PALLD: variants seen among roughly 807,000 people sequenced by gnomAD.
The protein encoded by PALLD is palladin, cytoskeletal associated protein.
In PALLD, 61 loss-of-function variants were observed where a neutral mutation model predicts 123.5. The observed-to-expected ratio is 0.49, with a 90% confidence interval of 0.40 to 0.61. The LOEUF is 0.61. Ranked by LOEUF, PALLD falls within the 20% of genes least tolerant of loss-of-function variation. PALLD has a pLI of 0.00. For synonymous variants in PALLD, 465 were observed against 496.4 expected, an observed-to-expected ratio of 0.94 and a Z score of 0.84; for missense variants, 1,273 against 1,377.0, an observed-to-expected ratio of 0.92 and a Z score of 1.20.
chr4:168,575,072 G>A (rs1769408504), intron 2 of PALLD, among the ~76,000 whole-genome samples: 1 of 152,108 alleles, frequency 6.6e-6, no homozygotes, highest in African/African-American at 2.4e-5. Context: ...TGCAAATCAG[G>A]TGTCTGCCAC....
At chr4:168,849,068 A>G (rs1268557379) in intron 10 of PALLD, among the ~76,000 whole-genome samples, 1 of 152,220 alleles carries the variant, frequency 6.6e-6, no homozygotes, top group Non-Finnish European at 1.5e-5. Flanking sequence ...AGTCCTTACC[A>G]TGAGAGCCAC....
chr4:168,740,520 A>G (rs2150345323), intron 10 of PALLD, among the ~76,000 whole-genome samples: 1 of 152,334 alleles, frequency 6.6e-6, no homozygotes, highest in Non-Finnish European at 1.5e-5. Context: ...GAATTGACAG[A>G]TACTAAGTTT....
chr4:168,575,491 A>T (rs1303485825), intron 2 of PALLD, among the ~76,000 whole-genome samples: 1 of 152,000 alleles, frequency 6.6e-6, no homozygotes, highest in Non-Finnish European at 1.5e-5. Flanking sequence ...CCCTCCCTCA[A>T]CATGTGGGGA....
At chr4:168,758,244 CT>C (rs1477504311) in intron 10 of PALLD, among the ~76,000 whole-genome samples, 1 of 151,988 alleles carries the variant, frequency 6.6e-6, no homozygotes, top group Non-Finnish European at 1.5e-5. Flanking sequence ...AGCTCAAGAG[CT>C]GTTGCTTTGA....
At chr4:168,846,593 C>A (rs766538904) in intron 10 of PALLD, among the ~76,000 whole-genome samples, 3 of 152,126 alleles carry the variant, frequency 2.0e-5, no homozygotes, top group African/African-American at 4.8e-5. Context: ...TGTTAAACAG[C>A]CTGCATGTCA....
intron 2 of PALLD, among the ~76,000 whole-genome samples, chr4:168,577,411 A>G (rs1561266197): frequency 6.6e-6 from 1 of 152,194 alleles, no homozygotes; most frequent in African/African-American, 2.4e-5. Flanking sequence ...TTGCTTTAAC[A>G]GTAGATAAAC....
At chr4:168,616,303 T>C (rs1774222653) in intron 2 of PALLD, among the ~76,000 whole-genome samples, 1 of 152,222 alleles carries the variant, frequency 6.6e-6, no homozygotes. Flanking sequence ...TAAGTAGATC[T>C]ACATCAGAAA....
chr4:168,812,165 A>G (rs1741259948), intron 10 of PALLD, among the ~76,000 whole-genome samples: 2 of 152,212 alleles, frequency 1.3e-5, no homozygotes, highest in Non-Finnish European at 2.9e-5. Context: ...TTATTCTCTT[A>G]GATTGGCAAG....
chr4:168,845,035 G>GT (rs1746612376), intron 10 of PALLD, among the ~76,000 whole-genome samples: 1 of 139,068 alleles, frequency 7.2e-6, no homozygotes, highest in South Asian at 2.6e-4. Context: ...GAGTTTGGGA[G>GT]AAGGCTGAAG....
chr4:168,616,980 A>T (rs1774283002), intron 2 of PALLD, among the ~76,000 whole-genome samples: 1 of 152,180 alleles, frequency 6.6e-6, no homozygotes. Context: ...CACCATGGAG[A>T]TGCAAGCATA....
Position 168,540,064 on chromosome 4 carries a change from A to C in PALLD, c.908+27652A>C, listed in dbSNP as rs112525964. ...TAAACCAACTATAGTGTAGTCCAAG[A>C]CCTTAAAGGCACCTGAAGCTGAAAA... is the stretch of plus-strand genomic sequence containing the variant. On this transcript the variant is annotated intron_variant, in intron 2 of 21. Coordinates refer to ENST00000505667, the MANE Select transcript of PALLD (RefSeq NM_001166108.2). Among the ~76,000 whole-genome samples the C allele has an allele frequency of 2.9e-3, 435 of 152,064 alleles. 4 individuals carry two copies. Among genetic ancestry groups the C allele is most frequent in the African/African-American group, 9.9e-3 (409 of 41,472 alleles).
intron 17 of PALLD, among the ~76,000 whole-genome samples, chr4:168,917,772 A>G (rs1230049567): frequency 6.6e-6 from 1 of 152,192 alleles, no homozygotes; most frequent in Non-Finnish European, 1.5e-5. Flanking sequence ...GTATAAATAC[A>G]CAAATTGTGT....
chr4:168,577,473 G>GA (rs1212305988), intron 2 of PALLD, among the ~76,000 whole-genome samples: 1 of 152,082 alleles, frequency 6.6e-6, no homozygotes, highest in East Asian at 1.9e-4. Flanking sequence ...TTAAAGATCT[G>GA]AAAAAAATGC....
chr4:168,811,683 C>A (rs1461569741), intron 10 of PALLD, among the ~76,000 whole-genome samples: 2 of 151,680 alleles, frequency 1.3e-5, no homozygotes, highest in Non-Finnish European at 1.5e-5. Flanking sequence ...TTGCAGTGAG[C>A]CATAATCGCA....
At chr4:168,827,084 T>C (rs1743518031) in intron 10 of PALLD, among the ~76,000 whole-genome samples, 1 of 152,248 alleles carries the variant, frequency 6.6e-6, no homozygotes, top group Non-Finnish European at 1.5e-5. Flanking sequence ...CCCTGTGACA[T>C]AGCATTTGAT....
intron 15 of PALLD, among the ~76,000 whole-genome samples, chr4:168,905,370 G>A (rs1014967849): frequency 8.6e-5 from 13 of 151,190 alleles, no homozygotes; most frequent in South Asian, 2.1e-4. Flanking sequence ...GGATGGTCTC[G>A]ATCTCCTGAC....
At chr4:168,909,433 A>G (rs1295482162) in intron 15 of PALLD, among the ~76,000 whole-genome samples, 1 of 152,218 alleles carries the variant, frequency 6.6e-6, no homozygotes, top group Non-Finnish European at 1.5e-5. Context: ...TGTTTAATAC[A>G]GAATCACTTT....
intron 10 of PALLD, among the ~76,000 whole-genome samples, chr4:168,785,702 T>G (rs1181296627): frequency 6.6e-6 from 1 of 151,632 alleles, no homozygotes; most frequent in Non-Finnish European, 1.5e-5. Context: ...ACCCCGTTAC[T>G]GGTTGAGAGG....
intron 11 of PALLD, among the ~76,000 whole-genome samples, chr4:168,892,725 CT>C (rs1371923887): frequency 8.6e-4 from 125 of 144,598 alleles, no homozygotes; most frequent in Middle Eastern, 3.6e-3. Context: ...ATCACTCCAG[CT>C]TTTTTTTTTT....
Sources: allele counts gnomAD v4.1 joint callset (sites outside exome capture counted in the v4.1 genomes callset), GRCh38; gene constraint gnomAD v4.1.1; transcripts MANE v1.5; gene names NCBI Gene and HGNC (gene_info 2026-07-23, HGNC 2026-07-21).